Variants in SASH1 observed in about 807,000 individuals in gnomAD.
SASH1 encodes the protein SAM and SH3 domain containing 1.
Under a neutral mutation model 125.2 loss-of-function variants are expected in SASH1, and 44 were observed. That is an observed-to-expected ratio of 0.35 (90% CI 0.28 to 0.45). SASH1 has a LOEUF of 0.45. Among genes scored for constraint, SASH1 ranks in the 20% least tolerant of loss-of-function variants. SASH1 has a pLI of 1.00. For missense variants in SASH1, 1,426 were observed against 1,614.5 expected (o/e 0.88, Z 2.00); for synonymous variants, 639 against 649.1 (o/e 0.98, Z 0.24).
rs1220239318 is a variant in SASH1, at chr6:148,527,348, GAGGA to G, written c.1285-103_1285-100del. ...ACACAAGAAAAACGTCAAGATCCAT[GAGGA>G]ATGTCAATATTTCTGAGAGCTAGGA... On this transcript the variant is annotated intron_variant, in intron 11 of 19. Coordinates refer to ENST00000367467, the MANE Select transcript of SASH1 (RefSeq NM_015278.5). The G allele has an allele frequency of 5.0e-6, 5 of 997,760 alleles. No individual in the cohort carries two copies. The African/African-American group carries it at 8.4e-5, about 17-fold the overall frequency. The allele number at this position is 997,760 out of a possible 1,614,324, so 61.8% of individuals were successfully genotyped here.
At chr6:148,195,816 T>A in the SASH1 span, among the ~76,000 whole-genome samples, 13 of 152,210 alleles carry the variant, frequency 8.5e-5, no homozygotes, top group African/African-American at 2.9e-4. Context: ...GACTGCAATT[T>A]ACTATGAACC....
chr6:148,430,896 C>T (rs1177787217), intron 2 of SASH1, among the ~76,000 whole-genome samples: 1 of 152,198 alleles, frequency 6.6e-6, no homozygotes, highest in Middle Eastern at 3.2e-3. Context: ...ACTTATAGCC[C>T]TTTTAGAGTA....
chr6:148,308,855 G>T (rs113983689), intron 1 of SASH1, among the ~76,000 whole-genome samples: 2,153 of 151,168 alleles, frequency 0.014, 79 homozygotes, highest in South Asian at 0.093. Flanking sequence ...AGGCCGAGGT[G>T]GGTGAATCAC....
At chr6:148,310,700 G>A (rs59866435) in intron 1 of SASH1, among the ~76,000 whole-genome samples, 40,808 of 151,958 alleles carry the variant, frequency 0.27, 5,671 homozygotes, top group South Asian at 0.35. Flanking sequence ...AAAATAGCAT[G>A]ATTTTTAAAA....
intron 1 of SASH1, among the ~76,000 whole-genome samples, chr6:148,359,554 G>A (rs1782106465): frequency 6.6e-6 from 1 of 152,098 alleles, no homozygotes; most frequent in African/African-American, 2.4e-5. Context: ...TGAAGATGAT[G>A]TGAACATTGT....
In SASH1 at chr6:148,378,026, A is replaced by G. The variant is rs373200234; in HGVS notation, c.157-12108A>G. Among the ~76,000 whole-genome samples, 102 of 151,156 alleles carry G rather than the reference A, an allele frequency of 6.7e-4. 1 individual carries two copies. Among genetic ancestry groups the G allele is most frequent in the African/African-American group, 2.3e-3 (94 of 41,208 alleles). On this transcript the variant is annotated intron_variant, in intron 1 of 19. Transcript: ENST00000367467. Reference sequence around the variant, plus strand: ...GTTCAGATGCCAAACTTCCTGTTCCATTGACTGGAGTTCTCTGTCACCCAC... The same window carrying G: ...GTTCAGATGCCAAACTTCCTGTTCCGTTGACTGGAGTTCTCTGTCACCCAC...
chr6:148,428,444 A>G (rs938430185), intron 2 of SASH1, among the ~76,000 whole-genome samples: 3 of 152,152 alleles, frequency 2.0e-5, no homozygotes, highest in Admixed American at 1.3e-4. Context: ...CAGCCTGGCC[A>G]ACATGGTGAA....
In SASH1 at chr6:148,370,232, G is replaced by C. The variant is rs114969322; in HGVS notation, c.157-19902G>C. On this transcript the variant is annotated intron_variant, in intron 1 of 19. Coordinates refer to ENST00000367467, the MANE Select transcript of SASH1 (RefSeq NM_015278.5). ...CATCTTTTATTAAAAAACAAATTGT[G>C]ATATATAGACAAAACCCAAGACAAC... 3.1e-3 allele frequency among the ~76,000 whole-genome samples: 474 copies of C among 152,148 alleles called. 1 individual carries two copies. The highest frequency in any genetic ancestry group is 0.011 in the African/African-American group (449 of 41,544).
At chr6:148,503,666 T>TA (rs1398799865) in intron 8 of SASH1, among the ~76,000 whole-genome samples, 2 of 151,974 alleles carry the variant, frequency 1.3e-5, no homozygotes, top group Admixed American at 1.3e-4. Flanking sequence ...TATTTCTACT[T>TA]AGACTGTGCG....
Position 148,342,941 on chromosome 6 carries a change from A to C in SASH1, c.-127A>C, listed in dbSNP as rs1410788999. ...GCGGGGTGGCCGGGGCCGCCGGGGC[A>C]TGCAGCGCGGGGGCGCGGCTCGGTG... On this transcript the variant is annotated 5_prime_UTR_variant, in exon 1 of 20. It removes an upstream start codon present in the reference 5' UTR. Transcript: ENST00000367467. The C allele has an allele frequency of 2.2e-5, 19 of 868,132 alleles. No homozygotes were observed. Among genetic ancestry groups the C allele is most frequent in the Non-Finnish European group, 2.5e-5 (18 of 722,810 alleles). 53.8% of individuals were successfully genotyped at this position (868,132 alleles called of 1,614,324 possible).
At chr6:148,426,234 A>G (rs1016274111) in intron 2 of SASH1, among the ~76,000 whole-genome samples, 1 of 152,108 alleles carries the variant, frequency 6.6e-6, no homozygotes, top group East Asian at 1.9e-4. Context: ...ATAAATAAAT[A>G]AAAATAATAA....
intron 8 of SASH1, among the ~76,000 whole-genome samples, chr6:148,503,153 T>TATA (rs2115275725): frequency 6.6e-6 from 1 of 152,342 alleles, no homozygotes; most frequent in African/African-American, 2.4e-5. Context: ...TAGATATTTA[T>TATA]TTATCTAAGT....
At chr6:148,387,588 CTTT>C (rs1783458161) in intron 1 of SASH1, among the ~76,000 whole-genome samples, 3 of 7,544 alleles carry the variant, frequency 4.0e-4, no homozygotes, top group African/African-American at 2.2e-3. Context: ...TTCTTTCTTT[CTTT>C]CTTTCTTTCT....
chr6:148,270,432 A>T (rs184089891), upstream of SASH1, among the ~76,000 whole-genome samples: 6 of 152,290 alleles, frequency 3.9e-5, no homozygotes, highest in East Asian at 1.2e-3. Context: ...TGCATTACTG[A>T]TACCGATGAG....
chr6:148,514,095 T>C, intron 8 of SASH1: 1 of 1,251,738 alleles, frequency 8.0e-7, no homozygotes, highest in Non-Finnish European at 1.0e-6. Flanking sequence ...CACTTGCCCT[T>C]GAGGGCAAGG....
At chr6:148,504,893 T>A (rs766221015) in intron 8 of SASH1, among the ~76,000 whole-genome samples, 29 of 152,078 alleles carry the variant, frequency 1.9e-4, no homozygotes, top group Non-Finnish European at 3.7e-4. Flanking sequence ...GTGGACAAGG[T>A]CGGCTCTCTC....
intron 2 of SASH1, among the ~76,000 whole-genome samples, chr6:148,426,562 CAGA>C (rs1775833408): frequency 6.6e-6 from 1 of 152,128 alleles, no homozygotes; most frequent in South Asian, 2.1e-4. Context: ...GGTGCCCGAA[CAGA>C]AGGAGTGTTG....
chr6:148,194,127 T>C, the SASH1 span, among the ~76,000 whole-genome samples: 1 of 152,228 alleles, frequency 6.6e-6, no homozygotes, highest in African/African-American at 2.4e-5. Flanking sequence ...GTACCTGCCA[T>C]TTTCCCTTTA....
intron 16 of SASH1, among the ~76,000 whole-genome samples, chr6:148,539,243 T>C (rs1401893974): frequency 6.6e-6 from 1 of 152,156 alleles, no homozygotes; most frequent in African/African-American, 2.4e-5. Flanking sequence ...TATAAGTGGT[T>C]TTGGGTTACA....
Sources: allele counts gnomAD v4.1 joint callset (sites outside exome capture counted in the v4.1 genomes callset), GRCh38; gene constraint gnomAD v4.1.1; transcripts MANE v1.5; gene names NCBI Gene and HGNC (gene_info 2026-07-23, HGNC 2026-07-21).